Variants in ADGRG2 observed in about 807,000 individuals in gnomAD.
The protein encoded by ADGRG2 is G protein-coupled receptor 64.
ADGRG2 carries 26 observed loss-of-function variants against 74.1 expected under a neutral mutation model. The observed-to-expected ratio is 0.35, with a 90% confidence interval of 0.26 to 0.49. The LOEUF (loss-of-function observed/expected upper bound fraction) is 0.49, where lower values mean the gene tolerates loss of function less well. ADGRG2 is among the 20% of genes least tolerant of loss of function. ADGRG2 has a pLI of 0.99. For synonymous variants in ADGRG2, 296 were observed against 295.2 expected (o/e 1.00, Z -0.03); for missense variants, 619 against 763.1 (o/e 0.81, Z 2.22).
intron 7 of ADGRG2, chrX:19,034,105 G>C (rs138428478): frequency 8.8e-6 from 1 of 113,230 alleles, no homozygotes; most frequent in Non-Finnish European, 1.8e-5. Flanking sequence ...CAAGTGTCTC[G>C]CTATCTTCTT....
At chrX:19,021,896 C>A (rs1314453446) in intron 13 of ADGRG2, among the ~76,000 whole-genome samples, 2 of 110,143 alleles carry the variant, frequency 1.8e-5, no homozygotes, top group African/African-American at 6.6e-5. Flanking sequence ...GATCTGCCCA[C>A]CTCGGCCTCC....
intron 3 of ADGRG2, among the ~76,000 whole-genome samples, chrX:19,044,367 C>T (rs760132416): frequency 7.2e-5 from 8 of 111,797 alleles, no homozygotes; most frequent in African/African-American, 1.9e-4. Context: ...CACTCTGACT[C>T]CTCTTCACTT....
intron 1 of ADGRG2, among the ~76,000 whole-genome samples, chrX:19,092,956 A>G (rs1400909297): frequency 1.8e-5 from 2 of 112,236 alleles, no homozygotes; most frequent in East Asian, 2.8e-4. Context: ...CCAAGGAGGG[A>G]AACTGGGAAG....
chrX:19,034,837 G>C (rs2060903675), intron 7 of ADGRG2: 1 of 110,500 alleles, frequency 9.0e-6, no homozygotes, highest in African/African-American at 3.3e-5. Context: ...GGGAGGCTAA[G>C]GCAGGAGAAT....
At chrX:19,109,446 C>T (rs1415805940) in intron 1 of ADGRG2, among the ~76,000 whole-genome samples, 1 of 111,705 alleles carries the variant, frequency 9.0e-6, no homozygotes, top group Admixed American at 9.6e-5. Context: ...TCAAATAATA[C>T]CTCAAAGGGA....
intron 1 of ADGRG2, among the ~76,000 whole-genome samples, chrX:19,106,099 G>C (rs998372899): frequency 2.8e-4 from 31 of 110,814 alleles, no homozygotes; most frequent in African/African-American, 9.9e-4. Flanking sequence ...GTCACCACTG[G>C]GGGCAATGGG....
chrX:19,047,124 C>A (rs1477376299), intron 3 of ADGRG2, among the ~76,000 whole-genome samples: 3 of 111,879 alleles, frequency 2.7e-5, no homozygotes, highest in African/African-American at 6.5e-5. Flanking sequence ...GTTATAGCTG[C>A]CGATCACAGC....
intron 2 of ADGRG2, among the ~76,000 whole-genome samples, chrX:19,076,307 C>T (rs762054796): frequency 1.9e-4 from 21 of 111,210 alleles, no homozygotes; most frequent in African/African-American, 5.9e-4. Flanking sequence ...GAGGTAGCTC[C>T]GGGTAGGCAT....
rs1569353808 is a variant in ADGRG2, at chrX:18,995,054, G to C, written c.2717-6C>G. On this transcript the variant is annotated splice_region_variant and splice_polypyrimidine_tract_variant and intron_variant, in intron 27 of 28. Transcript: ENST00000379869. ...AGTAGCAGTTTTACTCCAGTCTACA[G>C]CAGAATAAGCATTACAGAAAAACAG... 6.0e-6 allele frequency: 7 copies of C among 1,175,553 alleles called. No individual in the cohort carries two copies. The highest frequency in any genetic ancestry group is 8.0e-6 in the Non-Finnish European group (7 of 871,510).
intron 3 of ADGRG2, among the ~76,000 whole-genome samples, chrX:19,052,097 C>A (rs2061333401): frequency 9.0e-6 from 1 of 111,699 alleles, no homozygotes; most frequent in Admixed American, 9.5e-5. Flanking sequence ...TCACAATAGC[C>A]CTACAATAGG....
At chrX:19,111,976 G>T (rs778363685) in intron 1 of ADGRG2, among the ~76,000 whole-genome samples, 1 of 110,378 alleles carries the variant, frequency 9.1e-6, no homozygotes, top group East Asian at 2.8e-4. Context: ...AAATGTGGAG[G>T]GAATACTAGA....
At position 19,065,940 on chromosome X, in the gene ADGRG2, G is replaced by A. The variant is rs780853770; in HGVS notation, c.118+2777C>T. 2.8e-3 allele frequency among the ~76,000 whole-genome samples: 318 copies of A among 112,256 alleles called. 2 individuals carry two copies. Among genetic ancestry groups the A allele is most frequent in the African/African-American group, 8.7e-3 (269 of 30,966 alleles). On this transcript the variant is annotated intron_variant, in intron 3 of 28. Coordinates refer to ENST00000379869, the MANE Select transcript of ADGRG2 (RefSeq NM_001079858.3). ...TCAGCTCATTGCAACCTCTGCTCCC[G>A]GGTTCAAACAATTCTCCTGCCTCAG...
At chrX:19,088,226 G>A (rs1452820171) in intron 1 of ADGRG2, among the ~76,000 whole-genome samples, 1 of 112,358 alleles carries the variant, frequency 8.9e-6, no homozygotes, top group African/African-American at 3.2e-5. Flanking sequence ...TTATATACTT[G>A]ATTTTTTAAA....
rs181370994 is a variant in ADGRG2 at position 19,103,608 on chromosome X, C to G, written c.-47+18834G>C. Among the ~76,000 whole-genome samples, 220 of 111,632 alleles carry G rather than the reference C, an allele frequency of 2.0e-3. 2 individuals are homozygous for G. The highest frequency in any genetic ancestry group is 5.4e-3 in the South Asian group (14 of 2,613). On this transcript the variant is annotated intron_variant, in intron 1 of 28. Transcript: ENST00000379869. Reference sequence around the variant, plus strand: ...CCTCTTTTAGTAACAGTAGCAGTCACCTAGCCATCCACCCTTATTGTTTTA... The same window carrying G: ...CCTCTTTTAGTAACAGTAGCAGTCAGCTAGCCATCCACCCTTATTGTTTTA...
intron 2 of ADGRG2, among the ~76,000 whole-genome samples, chrX:19,069,571 G>T (rs1266249637): frequency 9.0e-6 from 1 of 110,686 alleles, no homozygotes; most frequent in Non-Finnish European, 1.9e-5. Context: ...ACCCTGGCCT[G>T]CCCTGCCCCC....
At chrX:19,070,471 T>A (rs1484893413) in intron 2 of ADGRG2, among the ~76,000 whole-genome samples, 2 of 111,366 alleles carry the variant, frequency 1.8e-5, no homozygotes, top group African/African-American at 6.5e-5. Flanking sequence ...CTGTGTCTGA[T>A]CCTCTCATGT....
chrX:19,054,223 T>C (rs1206053498), intron 3 of ADGRG2, among the ~76,000 whole-genome samples: 1 of 112,161 alleles, frequency 8.9e-6, no homozygotes, highest in Non-Finnish European at 1.9e-5. Context: ...TGGGATCACT[T>C]TGAGAACATG....
At chrX:19,037,288 T>C (rs2060961436) in intron 6 of ADGRG2, among the ~76,000 whole-genome samples, 179 bp downstream of exon 6, 1 of 112,355 alleles carries the variant, frequency 8.9e-6, no homozygotes, top group South Asian at 3.7e-4. Flanking sequence ...GTAAGAATGT[T>C]ATCATTTAAC....
chrX:18,993,635 C>T (rs906348900), intron 28 of ADGRG2, among the ~76,000 whole-genome samples: 4 of 101,769 alleles, frequency 3.9e-5, no homozygotes, highest in Non-Finnish European at 5.9e-5. Flanking sequence ...GAACCGTGAT[C>T]ATACCACTGA....
Sources: gnomAD v4.1 joint callset for allele counts (sites outside exome capture counted in the v4.1 genomes callset) on GRCh38, gnomAD v4.1.1 for gene constraint, MANE v1.5 for transcripts, NCBI Gene and HGNC (gene_info 2026-07-23, HGNC 2026-07-21) for gene names.